Variants in ENPP1 observed in about 807,000 individuals in gnomAD.
ENPP1 encodes ectonucleotide pyrophosphatase/phosphodiesterase 1, also known as ectonucleotide pyrophosphatase/phosphodiesterase family member 1.
Under a neutral mutation model 122.8 loss-of-function variants are expected in ENPP1, and 73 were observed. The observed-to-expected ratio is 0.59, with a 90% CI of 0.49 to 0.72. The LOEUF is 0.72. Ranked by LOEUF, ENPP1 falls within the 30% of genes least tolerant of loss-of-function variation. ENPP1 has a pLI of 0.00. For synonymous variants in ENPP1, 367 were observed against 391.6 expected (o/e 0.94, Z 0.74); for missense variants, 978 against 1,128.1 (o/e 0.87, Z 1.91).
At chr6:131,841,413 C>A (rs1227336317) in intron 1 of ENPP1, among the ~76,000 whole-genome samples, 4 of 152,198 alleles carry the variant, frequency 2.6e-5, no homozygotes, top group African/African-American at 9.7e-5. Flanking sequence ...TCAAATGGCA[C>A]TTTCATACCG....
At chr6:131,816,049 ACT>A (rs890107724) in intron 1 of ENPP1, among the ~76,000 whole-genome samples, 1 of 151,266 alleles carries the variant, frequency 6.6e-6, no homozygotes, top group Non-Finnish European at 1.5e-5. Flanking sequence ...CATCCAGCTG[ACT>A]CTTTTTATCT....
intron 1 of ENPP1, among the ~76,000 whole-genome samples, chr6:131,845,638 T>C (rs935294745): frequency 6.6e-6 from 1 of 152,000 alleles, no homozygotes; most frequent in African/African-American, 2.4e-5. Context: ...TTTGTATTTT[T>C]AGTAGAGATG....
At chr6:131,818,242 C>T (rs1012290882) in intron 1 of ENPP1, among the ~76,000 whole-genome samples, 4 of 151,878 alleles carry the variant, frequency 2.6e-5, no homozygotes, top group African/African-American at 9.7e-5. Context: ...TAGCAGACGT[C>T]ATTGCAATGA....
chr6:131,819,084 G>A (rs1230965950), intron 1 of ENPP1, among the ~76,000 whole-genome samples: 1 of 152,174 alleles, frequency 6.6e-6, no homozygotes, highest in Non-Finnish European at 1.5e-5. Flanking sequence ...AGCGAGGAAT[G>A]TGGTTTTTTT....
At chr6:131,873,109 C>T (rs940626356) in intron 15 of ENPP1, 59 bp downstream of exon 15, 9 of 1,558,740 alleles carry the variant, frequency 5.8e-6, no homozygotes, top group Non-Finnish European at 7.1e-6. Flanking sequence ...TTCAGGGTAA[C>T]CATTGGGCCC....
chr6:131,886,699 G>A lies in ENPP1; in HGVS notation c.2582G>A (p.Arg861Lys), dbSNP rs1782382521. Residue 861 changes from arginine (R) to lysine (K), a missense_variant, in exon 24 of 25, where the codon AGG becomes AAG. Transcript: ENST00000647893. ...ACCTTAGCTTTCATTTTGCCTCACA[G>A]GACTGATAACAGCGAGAGCTGTGTG... is the stretch of plus-strand genomic sequence containing the variant. ...LDTLAFILPH[R>K]TDNSESCVHG... is the part of the protein sequence containing the mutation. 6.2e-7 allele frequency: 1 copy of A among 1,613,868 alleles called. No homozygotes were observed. The highest frequency in any genetic ancestry group is 8.5e-7 in the Non-Finnish European group (1 of 1,179,946).
At chr6:131,827,401 A>T (rs1416767186) in intron 1 of ENPP1, 1 of 747,562 alleles carries the variant, frequency 1.3e-6, no homozygotes, top group Admixed American at 1.8e-5. Context: ...TGCTTCATGG[A>T]TCTCCTCAGC....
In ENPP1 at chr6:131,808,238, C is replaced by A. The variant is rs1243798306; in HGVS notation, c.203C>A (p.Thr68Asn). The change falls in exon 1 of 25, where the codon ACT (threonine) becomes AAT (asparagine). Residue 68 changes from threonine (T) to asparagine (N), a missense_variant. By Grantham distance (65) the Thr-to-Asn change is moderately conservative (BLOSUM62 0). Coordinates refer to ENST00000647893, the MANE Select transcript of ENPP1 (RefSeq NM_006208.3). ...CTGGAGAAGGCGGCGCGCGCCCGCA[C>A]TGCCAAGGACCCCAACACCTATAAA... ...EPLEKAARAR[T>N]AKDPNTYKVL... is the part of the protein sequence containing the mutation. 7 of 1,516,936 alleles carry A rather than the reference C, an allele frequency of 4.6e-6. No homozygotes were observed. The East Asian group carries it at 1.9e-4, about 40-fold the overall frequency. 94.0% of individuals were successfully genotyped at this position (1,516,936 alleles called of 1,614,324 possible).
rs574842545 is a variant in ENPP1 at position 131,877,377 on chromosome 6, G to A, written c.1893+216G>A. On this transcript the variant is annotated intron_variant, in intron 18 of 24. Transcript: ENST00000647893. ...TCCACTCTATTTTTAATTCCTTGGAGCTGTGACTTGACTTGGGTGCAGGTG... is the reference window on the plus strand; with the variant it reads ...TCCACTCTATTTTTAATTCCTTGGAACTGTGACTTGACTTGGGTGCAGGTG... The A allele has an allele frequency of 1.7e-5, 10 of 574,788 alleles. No homozygotes were observed. The South Asian group carries it at 1.9e-4, about 11-fold the overall frequency. 35.6% of individuals were successfully genotyped at this position (574,788 alleles called of 1,614,324 possible).
intron 11 of ENPP1, among the ~76,000 whole-genome samples, chr6:131,866,299 C>G (rs1298965753): frequency 6.6e-6 from 1 of 152,154 alleles, no homozygotes; most frequent in Non-Finnish European, 1.5e-5. Context: ...GTTCTCCCGC[C>G]CAGGTAGCCC....
chr6:131,823,926 G>A lies in ENPP1; in HGVS notation c.240+15651G>A, dbSNP rs565532264. On this transcript the variant is annotated intron_variant, in intron 1 of 24. Transcript: ENST00000647893. ...ACAGGTTTGTTTTGAGGGTTAGGTG[G>A]ATTCATATTTATAAACTAATGAGAA... is the stretch of plus-strand genomic sequence containing the variant. Among the ~76,000 whole-genome samples the A allele has an allele frequency of 3.4e-4, 51 of 151,200 alleles. 2 individuals carry two copies. In the South Asian group the frequency reaches 9.7e-3, roughly 29 times the overall value.
chr6:131,869,833 GCAA>G (rs1278694259), intron 13 of ENPP1, among the ~76,000 whole-genome samples: 3 of 146,266 alleles, frequency 2.1e-5, no homozygotes, highest in Non-Finnish European at 3.0e-5. Context: ...TCCAGCCTGG[GCAA>G]CTGAGTGAGA....
At chr6:131,838,252 T>G (rs886672665) in intron 1 of ENPP1, among the ~76,000 whole-genome samples, 3 of 152,160 alleles carry the variant, frequency 2.0e-5, no homozygotes, top group Non-Finnish European at 4.4e-5. Context: ...CATAAGGTAG[T>G]GTAATGATAT....
At chr6:131,811,423 T>TCTATAA (rs1781352418) in intron 1 of ENPP1, among the ~76,000 whole-genome samples, 1 of 150,476 alleles carries the variant, frequency 6.6e-6, no homozygotes, top group Admixed American at 6.6e-5. Context: ...TATATCTATA[T>TCTATAA]CTATATCTAT....
At chr6:131,865,218 T>C (rs1235468115) in intron 11 of ENPP1, among the ~76,000 whole-genome samples, 2 of 152,192 alleles carry the variant, frequency 1.3e-5, no homozygotes, top group African/African-American at 4.8e-5. Flanking sequence ...CCCCTTACCT[T>C]GGCCTAAATA....
At chr6:131,886,797 C>G (rs1585845176) in intron 24 of ENPP1, 73 bp downstream of exon 24, 2 of 1,318,076 alleles carry the variant, frequency 1.5e-6, no homozygotes, top group East Asian at 4.7e-5. Context: ...TGTCACCCAT[C>G]TGACATTACA....
intron 1 of ENPP1, among the ~76,000 whole-genome samples, chr6:131,828,815 T>C (rs1195927971): frequency 6.6e-6 from 1 of 152,248 alleles, no homozygotes; most frequent in Non-Finnish European, 1.5e-5. Flanking sequence ...GTGATTGTGA[T>C]TGAATAAAAT....
At chr6:131,866,008 A>AGAGT (rs1782086015) in intron 11 of ENPP1, among the ~76,000 whole-genome samples, 1 of 85,476 alleles carries the variant, frequency 1.2e-5, no homozygotes, top group African/African-American at 2.9e-4. Context: ...AAAAAAAAAA[A>AGAGT]GAGAAAAAGA....
At chr6:131,829,906 A>G (rs7771242) in intron 1 of ENPP1, among the ~76,000 whole-genome samples, 19,252 of 152,142 alleles carry the variant, frequency 0.13, 1,375 homozygotes, top group East Asian at 0.18. Flanking sequence ...CCACCCTCCA[A>G]TGTTCTCTTT....
Sources: allele counts gnomAD v4.1 joint callset (sites outside exome capture counted in the v4.1 genomes callset), GRCh38; gene constraint gnomAD v4.1.1; transcripts MANE v1.5; gene names NCBI Gene and HGNC (gene_info 2026-07-23, HGNC 2026-07-21).